KMT2C: variants seen among roughly 807,000 people sequenced by gnomAD.
KMT2C encodes the protein lysine methyltransferase 2C.
A neutral mutation model predicts 507.9 loss-of-function variants in KMT2C; 88 were observed. The observed-to-expected ratio is 0.17, with a 90% CI of 0.15 to 0.21. KMT2C has a LOEUF of 0.21. Among genes scored for constraint, KMT2C ranks in the 10% least tolerant of loss-of-function variants. The probability of loss-of-function intolerance (pLI) is 1.00; values close to 1 mark genes in which losing one functional copy is unlikely to be tolerated. For synonymous variants in KMT2C, 2,049 were observed against 2,080.8 expected (o/e 0.98, Z 0.42); for missense variants, 4,954 against 5,957.8 (o/e 0.83, Z 5.55).
At chr7:152,268,843 T>C (rs2095906997) in intron 7 of KMT2C, among the ~76,000 whole-genome samples, 1 of 152,200 alleles carries the variant, frequency 6.6e-6, no homozygotes. Flanking sequence ...CACTTCAAGT[T>C]GCCATGGTAG....
In KMT2C at chr7:152,195,958, C is replaced by G. The variant is rs1406863036; in HGVS notation, c.4327G>C (p.Asp1443His). 6.2e-7 allele frequency: 1 copy of G among 1,610,500 alleles called. No homozygotes were observed. Among genetic ancestry groups the G allele is most frequent in the South Asian group, 1.1e-5 (1 of 90,800 alleles). Residue 1443 changes from aspartate (D) to histidine (H), a missense_variant, in exon 28 of 59, where the codon GAC becomes CAC. Around this residue, in one of 29 missense-constraint regions of KMT2C, gnomAD observed 140 missense variants for 118.4 expected, o/e 1.18. Coordinates refer to ENST00000262189, the MANE Select transcript of KMT2C (RefSeq NM_170606.3). ...TCATCTGAAATTATTCCAAGAATGT[C>G]ATCATCTGTGTTTAAAACTTCAGAA... ...DISEVLNTDD[D>H]ILGIISDDLA...
At chr7:152,231,049 G>T (rs112198989) in intron 16 of KMT2C, among the ~76,000 whole-genome samples, 2 of 152,114 alleles carry the variant, frequency 1.3e-5, no homozygotes, top group Middle Eastern at 3.4e-3. Flanking sequence ...ACTCCTGACC[G>T]CAAATGATCC....
chr7:152,342,257 G>A (rs1247685855), intron 2 of KMT2C, among the ~76,000 whole-genome samples: 1 of 152,064 alleles, frequency 6.6e-6, no homozygotes, highest in East Asian at 1.9e-4. Context: ...CATCATTAGT[G>A]GAAATCCCTC....
chr7:152,385,173 C>T (rs1013981633), intron 1 of KMT2C, among the ~76,000 whole-genome samples: 4 of 152,282 alleles, frequency 2.6e-5, no homozygotes, highest in Non-Finnish European at 4.4e-5. Flanking sequence ...TCTCAGGAAT[C>T]AGCAAAATCC....
chr7:152,348,183 T>C (rs2097077730), intron 2 of KMT2C, among the ~76,000 whole-genome samples: 1 of 152,254 alleles, frequency 6.6e-6, no homozygotes, highest in East Asian at 1.9e-4. Context: ...TTAAAACAAA[T>C]TGAATCAAAA....
At chr7:152,173,143 G>A (rs1354524547) in intron 39 of KMT2C, among the ~76,000 whole-genome samples, 1 of 152,060 alleles carries the variant, frequency 6.6e-6, no homozygotes, top group African/African-American at 2.4e-5. Context: ...TCTCTACTTT[G>A]ATCTCAAAAA....
chr7:152,259,929 T>C (rs772641231), intron 9 of KMT2C, among the ~76,000 whole-genome samples: 1 of 152,238 alleles, frequency 6.6e-6, no homozygotes, highest in Non-Finnish European at 1.5e-5. Context: ...CAGAGAAAGA[T>C]GATCACTCTT....
At chr7:152,256,205 C>A (rs1458999033) in intron 9 of KMT2C, among the ~76,000 whole-genome samples, 2 of 151,996 alleles carry the variant, frequency 1.3e-5, no homozygotes, top group African/African-American at 2.4e-5. Context: ...CAAATCCTAG[C>A]AGAAAATATG....
At chr7:152,283,435 A>G (rs1198385514) in intron 6 of KMT2C, among the ~76,000 whole-genome samples, 2 of 152,148 alleles carry the variant, frequency 1.3e-5, no homozygotes, top group African/African-American at 4.8e-5. Flanking sequence ...TTTTAAGAAC[A>G]TGAGAACAGA....
At chr7:152,182,636 G>A (rs761732398) in intron 35 of KMT2C, 42 bp from the exon 36 acceptor site, 3 of 1,481,120 alleles carry the variant, frequency 2.0e-6, no homozygotes, top group Admixed American at 2.3e-5. Context: ...TTTAGGTTAA[G>A]GAAGAAAACT....
intron 3 of KMT2C, among the ~76,000 whole-genome samples, chr7:152,324,403 A>G (rs1186834881): frequency 1.3e-5 from 2 of 151,850 alleles, no homozygotes; most frequent in Non-Finnish European, 2.9e-5. Flanking sequence ...TGCATTCATG[A>G]ATTGAAACAT....
At chr7:152,416,379 A>G (rs2097735660) in intron 1 of KMT2C, among the ~76,000 whole-genome samples, 1 of 152,288 alleles carries the variant, frequency 6.6e-6, no homozygotes, top group African/African-American at 2.4e-5. Flanking sequence ...CCCCATCTCT[A>G]TTAAAACTAC....
At position 152,373,780 on chromosome 7, in the gene KMT2C, T is replaced by C. The variant is rs185214068; in HGVS notation, c.162-15105A>G. On this transcript the variant is annotated intron_variant, in intron 1 of 58. Transcript: ENST00000262189. ...TATTCTACTGTAATAGAAAGAGATA[T>C]CAACAACAAAGTTACTAGGAATAAC... is the stretch of plus-strand genomic sequence containing the variant. Among the ~76,000 whole-genome samples, 334 of 152,172 alleles carry C rather than the reference T, an allele frequency of 2.2e-3. 3 individuals are homozygous for C. Among genetic ancestry groups the C allele is most frequent in the Middle Eastern group, 0.01 (3 of 290 alleles).
At chr7:152,213,278 A>C (rs2094496725) in intron 23 of KMT2C, among the ~76,000 whole-genome samples, 2 of 152,194 alleles carry the variant, frequency 1.3e-5, no homozygotes, top group Non-Finnish European at 2.9e-5. Flanking sequence ...AGAAAGAAAA[A>C]CAAAGTAGAA....
chr7:152,193,385 A>G (rs1316124959), intron 31 of KMT2C, among the ~76,000 whole-genome samples: 2 of 152,164 alleles, frequency 1.3e-5, no homozygotes, highest in Non-Finnish European at 2.9e-5. Context: ...AAAATAGGCA[A>G]ACATTCACAA....
chr7:152,378,490 T>C (rs2097346209), intron 1 of KMT2C, among the ~76,000 whole-genome samples: 1 of 152,250 alleles, frequency 6.6e-6, no homozygotes, highest in African/African-American at 2.4e-5. Context: ...GTTTTTTAAA[T>C]ATAACGCTAC....
intron 6 of KMT2C, among the ~76,000 whole-genome samples, chr7:152,276,979 A>G (rs1202386085): frequency 2.0e-5 from 3 of 152,188 alleles, no homozygotes; most frequent in African/African-American, 7.2e-5. Context: ...AACTCGTATT[A>G]CCAATTTTAA....
chr7:152,363,150 A>T (rs1393810388), intron 1 of KMT2C, among the ~76,000 whole-genome samples: 1 of 152,216 alleles, frequency 6.6e-6, no homozygotes, highest in Non-Finnish European at 1.5e-5. Context: ...ATATTTCCAT[A>T]TTGAGTCAGA....
chr7:152,156,489 CA>C, intron 44 of KMT2C, 143 bp from the exon 45 acceptor site: 1 of 1,026,596 alleles, frequency 9.7e-7, no homozygotes, highest in South Asian at 1.8e-5. Context: ...ACCAAGAAAA[CA>C]ATACCTACAA....
Sources: gnomAD v4.1 joint callset for allele counts (sites outside exome capture counted in the v4.1 genomes callset) on GRCh38, gnomAD v4.1.1 for gene constraint, gnomAD v4.1.1 regional missense constraint, MANE v1.5 for transcripts, NCBI Gene and HGNC (gene_info 2026-07-23, HGNC 2026-07-21) for gene names.